Variants in USP34 observed in about 807,000 individuals in gnomAD.
The protein encoded by USP34 is ubiquitin carboxyl-terminal hydrolase 34.
Under a neutral mutation model 460.3 loss-of-function variants are expected in USP34, and 70 were observed. The ratio of observed to expected loss-of-function variants is 0.15; its 90% CI spans 0.13 to 0.19. The LOEUF is 0.19. USP34 is among the 10% of genes least tolerant of loss of function. USP34 has a pLI of 1.00. For missense variants in USP34, 3,985 were observed against 4,236.2 expected (o/e 0.94, Z 1.65); for synonymous variants, 1,647 against 1,405.3 (o/e 1.17, Z -3.85).
chr2:61,309,962 C>T (rs1690537336), intron 27 of USP34, among the ~76,000 whole-genome samples: 1 of 151,948 alleles, frequency 6.6e-6, no homozygotes, highest in South Asian at 2.1e-4. Flanking sequence ...TTTCTTTATC[C>T]ACTAGGTTTG....
At chr2:61,258,042 C>T (rs910204901) in intron 44 of USP34, among the ~76,000 whole-genome samples, 2 of 152,022 alleles carry the variant, frequency 1.3e-5, no homozygotes, top group African/African-American at 4.8e-5. Context: ...ATTCAAATGG[C>T]ACTTGCAGCT....
chr2:61,450,745 G>T (rs568551463), intron 1 of USP34, among the ~76,000 whole-genome samples: 1 of 151,724 alleles, frequency 6.6e-6, no homozygotes, highest in South Asian at 2.1e-4. Context: ...AATATAAAAC[G>T]TCAAAAAGAA....
rs558912110 is a variant in USP34, at chr2:61,378,456, T to A, written c.1015-32A>T. 1,418 of 1,491,006 alleles carry A rather than the reference T, an allele frequency of 9.5e-4. 26 individuals carry two copies. The South Asian group carries it at 0.017, about 18-fold the overall frequency. The allele number at this position is 1,491,006 out of a possible 1,614,324, so 92.4% of individuals were successfully genotyped here. On this transcript the variant is annotated intron_variant, in intron 7 of 79. Transcript: ENST00000398571. ...TTAAAGACAAGAAATTAAGGGTTTTTATTTCCAAAATTATTCTTGCATTTG... is the reference window on the plus strand; with the variant it reads ...TTAAAGACAAGAAATTAAGGGTTTTAATTTCCAAAATTATTCTTGCATTTG...
intron 1 of USP34, among the ~76,000 whole-genome samples, chr2:61,435,658 ATCAATAAAATGGCAGGAGTAAGTCC>A (rs1694792759): frequency 6.6e-6 from 1 of 152,208 alleles, no homozygotes; most frequent in Non-Finnish European, 1.5e-5. Flanking sequence ...CTAAAAAACA[ATCAATAAAATGGCAGGAGTAAGTCC>A]TCACCTATCA....
chr2:61,412,363 T>C (rs748372016), intron 2 of USP34, among the ~76,000 whole-genome samples: 1 of 152,056 alleles, frequency 6.6e-6, no homozygotes, highest in African/African-American at 2.4e-5. Flanking sequence ...TGAAATGTTA[T>C]GAAAATATAA....
chr2:61,406,742 C>T (rs545765835), intron 2 of USP34, among the ~76,000 whole-genome samples: 2 of 151,084 alleles, frequency 1.3e-5, no homozygotes, highest in South Asian at 4.2e-4. Flanking sequence ...CAGTGGCTCA[C>T]GCCTGTAATC....
chr2:61,399,134 C>T (rs575205922), intron 3 of USP34, among the ~76,000 whole-genome samples: 2 of 152,072 alleles, frequency 1.3e-5, no homozygotes, highest in East Asian at 3.9e-4. Flanking sequence ...GTAGGTGGAT[C>T]ACGAGGTCAG....
intron 1 of USP34, among the ~76,000 whole-genome samples, chr2:61,449,321 T>C (rs1367736604): frequency 6.7e-6 from 1 of 149,308 alleles, no homozygotes; most frequent in Non-Finnish European, 1.5e-5. Flanking sequence ...CCTAAATAAA[T>C]AGAAAGATAT....
At chr2:61,362,561 A>G (rs1195529997) in intron 10 of USP34, among the ~76,000 whole-genome samples, 2 of 152,218 alleles carry the variant, frequency 1.3e-5, no homozygotes, top group Non-Finnish European at 2.9e-5. Flanking sequence ...AAACCAGACA[A>G]AGAGAGATAA....
At chr2:61,278,752 G>C (rs1418750993) in intron 39 of USP34, among the ~76,000 whole-genome samples, 3 of 150,956 alleles carry the variant, frequency 2.0e-5, no homozygotes, top group Non-Finnish European at 4.4e-5. Context: ...CCTTCACGTT[G>C]TGCACATGTA....
chr2:61,262,104 A>T (rs1558497218), intron 43 of USP34, among the ~76,000 whole-genome samples: 31 of 119,858 alleles, frequency 2.6e-4, no homozygotes, highest in African/African-American at 1.0e-3. Flanking sequence ...AAAAAAAAAA[A>T]AAAAAAAAAA....
intron 41 of USP34, among the ~76,000 whole-genome samples, chr2:61,275,381 C>A (rs1356115805): frequency 1.3e-5 from 2 of 152,102 alleles, no homozygotes; most frequent in Non-Finnish European, 2.9e-5. Flanking sequence ...GTTTGGGAGG[C>A]CAAGACGGGA....
chr2:61,258,391 G>A lies in USP34; in HGVS notation c.5845-1041C>T, dbSNP rs1016792200. On this transcript the variant is annotated intron_variant, in intron 44 of 79. Coordinates refer to ENST00000398571, the MANE Select transcript of USP34 (RefSeq NM_014709.4). ...AATCCCTGTCCTCAAGATTTAACAGGTGAGAAAAGTAACATATATACAAGG... is the reference window on the plus strand; with the variant it reads ...AATCCCTGTCCTCAAGATTTAACAGATGAGAAAAGTAACATATATACAAGG... Among the ~76,000 whole-genome samples, 3 of 152,130 alleles carry A rather than the reference G, an allele frequency of 2.0e-5. No individual in the cohort carries two copies. The East Asian group carries it at 5.8e-4, about 29-fold the overall frequency.
intron 27 of USP34, among the ~76,000 whole-genome samples, chr2:61,306,133 G>C (rs1690396686): frequency 6.6e-6 from 1 of 152,104 alleles, no homozygotes; most frequent in African/African-American, 2.4e-5. Flanking sequence ...TGGTGTTTTG[G>C]ACATGAAGTC....
chr2:61,396,492 T>A (rs1236911861), intron 3 of USP34, among the ~76,000 whole-genome samples: 1 of 2,054 alleles, frequency 4.9e-4, no homozygotes, highest in Non-Finnish European at 1.3e-3. Context: ...TTCCAGCTAA[T>A]TTTTTTTTTT....
intron 78 of USP34, 152 bp downstream of exon 78, chr2:61,190,119 A>T: frequency 1.0e-6 from 1 of 964,180 alleles, no homozygotes; most frequent in Non-Finnish European, 1.5e-6. Flanking sequence ...AAGGCATAGT[A>T]AACGTGTATT....
At chr2:61,467,247 G>C (rs1373680077) in intron 1 of USP34, among the ~76,000 whole-genome samples, 1 of 151,996 alleles carries the variant, frequency 6.6e-6, no homozygotes, top group Non-Finnish European at 1.5e-5. Context: ...AGGTTGTAGT[G>C]AGCCGAAACC....
chr2:61,213,238 C>A (rs1687317851), intron 68 of USP34, among the ~76,000 whole-genome samples: 1 of 152,138 alleles, frequency 6.6e-6, no homozygotes, highest in Non-Finnish European at 1.5e-5. Context: ...TGGTCTTGAA[C>A]TGCTGGGCTC....
At chr2:61,189,950 C>A (rs575565217) in intron 78 of USP34, 3 of 208,456 alleles carry the variant, frequency 1.4e-5, no homozygotes, top group African/African-American at 6.9e-5. Flanking sequence ...GTTTCAGTTA[C>A]ATAGGAGCCA....
Sources: allele counts gnomAD v4.1 joint callset (sites outside exome capture counted in the v4.1 genomes callset), GRCh38; gene constraint gnomAD v4.1.1; transcripts MANE v1.5; gene names NCBI Gene and HGNC (gene_info 2026-07-23, HGNC 2026-07-21).